Variants in ZNF850 observed in about 807,000 individuals in gnomAD.
The protein encoded by ZNF850 is putative zinc finger protein ENSP00000330994.
In ZNF850, 2 loss-of-function variants were observed where a neutral mutation model predicts 11.9. The observed-to-expected ratio is 0.17, with a 90% CI of 0.07 to 0.53. ZNF850 has a LOEUF of 0.53. ZNF850 is among the 20% of genes least tolerant of loss of function. ZNF850 has a pLI of 0.94. For synonymous variants in ZNF850, 381 were observed against 443.0 expected, an observed-to-expected ratio of 0.86 and a Z score of 1.76; for missense variants, 1,014 against 1,316.4, an observed-to-expected ratio of 0.77 and a Z score of 3.55.
At chr19:36,757,884 C>G (rs1437056781) in intron 4 of ZNF850, among the ~76,000 whole-genome samples, 1 of 151,944 alleles carries the variant, frequency 6.6e-6, no homozygotes, top group African/African-American at 2.4e-5. Context: ...TGCAGTGGTG[C>G]AATCACAGCT....
rs2040448552 is a variant in ZNF850, at chr19:36,750,714, C to T, written c.326G>A (p.Cys109Tyr). The T allele has an allele frequency of 6.5e-7, 1 of 1,536,236 alleles. No homozygotes were observed. Among genetic ancestry groups the T allele is most frequent in the Non-Finnish European group, 8.7e-7 (1 of 1,146,942 alleles). Reference sequence around the variant, plus strand: ...GACACTGGAGCCCACAAGGCTATGACATTTTTCCATTCTCACCCACTGAGA... The same window carrying T: ...GACACTGGAGCCCACAAGGCTATGATATTTTTCCATTCTCACCCACTGAGA... Reference protein sequence around the residue: ...TSSQWVRMEKCHSLVGSSVRD... With the variant: ...TSSQWVRMEKYHSLVGSSVRD... The change falls in exon 5 of 5, where the codon TGT becomes TAT. Residue 109 changes from cysteine to tyrosine, a missense_variant. This residue lies in a region of ZNF850 where 835 missense variants were observed against 1,022.0 expected (regional missense o/e 0.82). Coordinates refer to ENST00000591344, the MANE Select transcript of ZNF850 (RefSeq NM_001193552.2).
At chr19:36,770,687 C>G (rs1175798159) in intron 1 of ZNF850, among the ~76,000 whole-genome samples, 1 of 111,390 alleles carries the variant, frequency 9.0e-6, no homozygotes, top group East Asian at 2.9e-4. Flanking sequence ...GTCTGGGCGA[C>G]AGAGAGAGAC....
intron 4 of ZNF850, among the ~76,000 whole-genome samples, chr19:36,756,527 GATAGTT>G (rs1442180292): frequency 6.6e-6 from 1 of 152,108 alleles, no homozygotes; most frequent in Non-Finnish European, 1.5e-5. Context: ...ACAGATAAAG[GATAGTT>G]ATATAGTTAC....
chr19:36,765,872 C>T (rs1157485929), intron 1 of ZNF850, among the ~76,000 whole-genome samples: 2 of 151,746 alleles, frequency 1.3e-5, no homozygotes, highest in Non-Finnish European at 2.9e-5. Flanking sequence ...GCGTGAGCCA[C>T]CACGCCCGGC....
At position 36,747,535 on chromosome 19, in the gene ZNF850, C is replaced by T. The variant is rs370142556; in HGVS notation, c.*232G>A. 1.1e-5 allele frequency: 4 copies of T among 366,070 alleles called. No homozygotes were observed. In the South Asian group the frequency reaches 2.6e-4, roughly 24 times the overall value. 22.7% of individuals were successfully genotyped at this position (366,070 alleles called of 1,614,324 possible). A position where few individuals can be genotyped will look rare whatever the true frequency, so the allele number is the denominator to read the frequency against. On this transcript the variant is annotated 3_prime_UTR_variant, in exon 5 of 5. Coordinates refer to ENST00000591344, the MANE Select transcript of ZNF850 (RefSeq NM_001193552.2). The stretch of plus-strand genomic sequence containing the variant: ...CCTGTAGTCCCAGCTACTAGGGAGG[C>T]TGAGGCAGGAGAATGGCATGAACCC...
chr19:36,769,503 G>T (rs2040569275), intron 1 of ZNF850, among the ~76,000 whole-genome samples: 1 of 150,918 alleles, frequency 6.6e-6, no homozygotes, highest in Admixed American at 6.6e-5. Flanking sequence ...GGTAGGCTGA[G>T]GTAGGAGGAT....
Position 36,749,300 on chromosome 19 carries a change from C to T in ZNF850, c.1740G>A (p.Gln580=). Residue 580 remains glutamine, a synonymous_variant, in exon 5 of 5, where the codon CAG becomes CAA. Coordinates refer to ENST00000591344, the MANE Select transcript of ZNF850 (RefSeq NM_001193552.2). ...FTSRSALIQH[Q]RIHTGEKPYH... ...AGGGTTTCTCACCAGTGTGAATTCG[C>T]TGATGTTGAATTAGTGCTGAGCGAG... 6.4e-7 allele frequency: 1 copy of T among 1,567,824 alleles called. No homozygotes were observed. The highest frequency in any genetic ancestry group is 8.6e-7 in the Non-Finnish European group (1 of 1,160,700).
At position 36,764,837 on chromosome 19, in the gene ZNF850, C is replaced by T. The variant is rs1432611051; in HGVS notation, c.-69-2162G>A. 2.0e-5 allele frequency among the ~76,000 whole-genome samples: 3 copies of T among 151,352 alleles called. No homozygotes were observed. In the Admixed American group the frequency reaches 2.0e-4, roughly 10 times the overall value. ...CTTTAGCTGGGATTACAGGCGCCTG[C>T]CACCATGCCGAACTAATTTTTGTAT... On this transcript the variant is annotated intron_variant, in intron 1 of 4. Transcript: ENST00000591344.
chr19:36,744,434 C>A lies in ZNF850; in HGVS notation c.*3333G>T, dbSNP rs935493463. On this transcript the variant is annotated 3_prime_UTR_variant, in exon 5 of 5. Coordinates refer to ENST00000591344, the MANE Select transcript of ZNF850 (RefSeq NM_001193552.2). The stretch of plus-strand genomic sequence containing the variant: ...TTGAGCCCAAGAGTTCAAGACCAGC[C>A]TGGACAACATGGTGAAACCCTGTCT... 6.6e-6 allele frequency: 1 copy of A among 152,028 alleles called. No homozygotes were observed. Among genetic ancestry groups the A allele is most frequent in the African/African-American group, 2.4e-5 (1 of 41,374 alleles). The allele number at this position is 152,028 out of a possible 1,614,324, so 9.4% of individuals were successfully genotyped here. A position where few individuals can be genotyped will look rare whatever the true frequency, so the allele number is the denominator to read the frequency against.
intron 4 of ZNF850, among the ~76,000 whole-genome samples, chr19:36,751,738 G>GAGTAA (rs1028590792): frequency 9.4e-5 from 13 of 138,560 alleles, no homozygotes; most frequent in African/African-American, 2.7e-4. Context: ...AAGGAAATCT[G>GAGTAA]AGTAAAGTAG....
At chr19:36,768,467 G>A (rs1253753553) in intron 1 of ZNF850, among the ~76,000 whole-genome samples, 1 of 152,040 alleles carries the variant, frequency 6.6e-6, no homozygotes, top group African/African-American at 2.4e-5. Flanking sequence ...AAATGCAATT[G>A]CTCTCTTTCA....
chr19:36,758,313 G>A lies in ZNF850; in HGVS notation c.235+3330C>T, dbSNP rs75358341. On this transcript the variant is annotated intron_variant, in intron 4 of 4. Coordinates refer to ENST00000591344, the MANE Select transcript of ZNF850 (RefSeq NM_001193552.2). ...TAACAAAAACAACTATTAAAAATGGGAAAAAATTAAAGGCAAAACATTTAC... is the reference window on the plus strand; with the variant it reads ...TAACAAAAACAACTATTAAAAATGGAAAAAAATTAAAGGCAAAACATTTAC... Among the ~76,000 whole-genome samples the A allele has an allele frequency of 5.4e-3, 827 of 152,134 alleles. 23 individuals carry two copies. The highest frequency in any genetic ancestry group is 0.037 in the Admixed American group (563 of 15,274).
intron 4 of ZNF850, among the ~76,000 whole-genome samples, chr19:36,759,210 C>T (rs1363615318): frequency 6.6e-6 from 1 of 152,144 alleles, no homozygotes; most frequent in African/African-American, 2.4e-5. Context: ...GTTGCTCATG[C>T]CTGTAATCCC....
chr19:36,762,617 G>T lies in ZNF850; in HGVS notation c.-11C>A, dbSNP rs2040526187. 1 of 1,535,942 alleles carries T rather than the reference G, an allele frequency of 6.5e-7. No homozygotes were observed. On this transcript the variant is annotated 5_prime_UTR_variant, in exon 2 of 5. Transcript: ENST00000591344. ...TACCTCCATGTTCATGAATATTCCT[G>T]TTGCAGCCAGCAAACCTCCTTCATA...
chr19:36,769,489 A>T (rs916305442), intron 1 of ZNF850, among the ~76,000 whole-genome samples: 1 of 151,404 alleles, frequency 6.6e-6, no homozygotes, highest in Non-Finnish European at 1.5e-5. Flanking sequence ...GTTTCAGCTT[A>T]CTTGGTAGGC....
chr19:36,749,489 G>T lies in ZNF850; in HGVS notation c.1551C>A (p.Gly517=). ...CKECGKSFAS[G]SALLQHQRIH... ...TTCGCTGATGTTGAAGTAGTGCTGA[G>T]CCAGAAGCAAAAGATTTTCCACATT... Residue 517 remains glycine (G), a synonymous_variant, in exon 5 of 5, where the codon GGC becomes GGA. Coordinates refer to ENST00000591344, the MANE Select transcript of ZNF850 (RefSeq NM_001193552.2). 1 of 1,547,138 alleles carries T rather than the reference G, an allele frequency of 6.5e-7. No individual in the cohort carries two copies.
In ZNF850 at chr19:36,750,188, T is replaced by C. The variant is rs1256240116; in HGVS notation, c.852A>G (p.Lys284=). 3 of 1,539,082 alleles carry C rather than the reference T, an allele frequency of 1.9e-6. No homozygotes were observed. In the South Asian group the frequency reaches 3.6e-5, roughly 18 times the overall value. ...IHTGDKPYEC[K]ECGKSFTSGS... ...CAGAAGTAAAAGATTTCCCACATTC[T>C]TTACATTCATAAGGTTTGTCACCAG... The change falls in exon 5 of 5, where the codon AAA becomes AAG. Residue 284 remains lysine, a synonymous_variant. Transcript: ENST00000591344.
intron 1 of ZNF850, among the ~76,000 whole-genome samples, chr19:36,763,613 G>A (rs377601680): frequency 6.6e-6 from 1 of 151,870 alleles, no homozygotes; most frequent in South Asian, 2.1e-4. Flanking sequence ...CCATAAAATA[G>A]TATAGATAGC....
intron 4 of ZNF850, among the ~76,000 whole-genome samples, chr19:36,753,885 A>C (rs2040469479): frequency 6.6e-6 from 1 of 152,158 alleles, no homozygotes; most frequent in South Asian, 2.1e-4. Context: ...TTCAACTTCC[A>C]AATCAGTGGA....
Sources: gnomAD v4.1 joint callset for allele counts (sites outside exome capture counted in the v4.1 genomes callset) on GRCh38, gnomAD v4.1.1 for gene constraint, gnomAD v4.1.1 regional missense constraint, MANE v1.5 for transcripts, NCBI Gene and HGNC (gene_info 2026-07-23, HGNC 2026-07-21) for gene names.